Variants in PLXDC2 observed in about 807,000 individuals in gnomAD.
PLXDC2 encodes plexin domain-containing protein 2.
In PLXDC2, 40 loss-of-function variants were observed where a neutral mutation model predicts 68.9. The observed-to-expected ratio is 0.58, with a 90% CI of 0.45 to 0.76. The LOEUF is 0.76. Ranked by LOEUF, PLXDC2 falls within the 30% of genes least tolerant of loss-of-function variation. The pLI, the probability that PLXDC2 is intolerant of heterozygous loss-of-function variation, is 0.00. For missense variants in PLXDC2, 644 were observed against 661.9 expected (o/e 0.97, Z 0.30); for synonymous variants, 243 against 234.2 (o/e 1.04, Z -0.34).
intron 12 of PLXDC2, among the ~76,000 whole-genome samples, chr10:20,236,999 TG>T (rs754168968): frequency 0.045 from 6,628 of 147,542 alleles, 174 homozygotes; most frequent in Non-Finnish European, 0.069. Flanking sequence ...TATGAGTTGT[TG>T]TTTTTTTTTT....
intron 13 of PLXDC2, among the ~76,000 whole-genome samples, chr10:20,272,998 G>A (rs1344574584): frequency 6.6e-6 from 1 of 152,186 alleles, no homozygotes; most frequent in Non-Finnish European, 1.5e-5. Context: ...CATTGCATTT[G>A]TTTTGGGCAC....
At chr10:20,027,091 A>G (rs966546159) in intron 2 of PLXDC2, among the ~76,000 whole-genome samples, 2 of 126,718 alleles carry the variant, frequency 1.6e-5, no homozygotes, top group Non-Finnish European at 3.2e-5. Context: ...AATATATAGA[A>G]TACACTTTTA....
intron 1 of PLXDC2, among the ~76,000 whole-genome samples, chr10:19,934,411 T>C (rs896416471): frequency 2.6e-5 from 4 of 152,180 alleles, no homozygotes; most frequent in Non-Finnish European, 5.9e-5. Context: ...ATGACCACAT[T>C]CATACCTTTG....
intron 4 of PLXDC2, among the ~76,000 whole-genome samples, chr10:20,069,142 C>T (rs1317184718): frequency 6.6e-6 from 1 of 152,010 alleles, no homozygotes; most frequent in Non-Finnish European, 1.5e-5. Context: ...GGTGTGGAGA[C>T]CATGTTAAGT....
At chr10:20,212,261 T>C (rs1022407315) in intron 10 of PLXDC2, among the ~76,000 whole-genome samples, 1 of 152,022 alleles carries the variant, frequency 6.6e-6, no homozygotes, top group African/African-American at 2.4e-5. Flanking sequence ...ACCAGTGGTA[T>C]TGTGGAGGGT....
At chr10:19,837,385 TGAGAGAGAGA>T (rs149222127) in intron 1 of PLXDC2, among the ~76,000 whole-genome samples, 15 of 139,248 alleles carry the variant, frequency 1.1e-4, no homozygotes, top group South Asian at 4.8e-4. Flanking sequence ...ATTGAGTAAG[TGAGAGAGAGA>T]GAGAGAGAGA....
At chr10:20,077,666 A>G (rs1233493323) in intron 4 of PLXDC2, among the ~76,000 whole-genome samples, 1 of 152,248 alleles carries the variant, frequency 6.6e-6, no homozygotes, top group African/African-American at 2.4e-5. Context: ...AATTTTAAAA[A>G]TAAGCACAAT....
rs571708556 is a variant in PLXDC2, at chr10:20,267,807, A to G, written c.1474-11896A>G. On this transcript the variant is annotated intron_variant, in intron 13 of 13. Coordinates refer to ENST00000377252, the MANE Select transcript of PLXDC2 (RefSeq NM_032812.9). The stretch of plus-strand genomic sequence containing the variant: ...AAAAGAAGTTATTTTTATAGGTTCT[A>G]ATTGTTATATCTCAGTCATCTTGCT... Among the ~76,000 whole-genome samples, 3 of 152,222 alleles carry G rather than the reference A, an allele frequency of 2.0e-5. No homozygotes were observed. The South Asian group carries it at 6.2e-4, about 32-fold the overall frequency.
intron 10 of PLXDC2, among the ~76,000 whole-genome samples, chr10:20,214,713 G>A (rs1457508986): frequency 6.6e-6 from 1 of 152,092 alleles, no homozygotes; most frequent in African/African-American, 2.4e-5. Flanking sequence ...TGTTATAGGA[G>A]GGCTATTTAG....
chr10:19,887,034 TC>T (rs1267595696), intron 1 of PLXDC2, among the ~76,000 whole-genome samples: 1 of 152,124 alleles, frequency 6.6e-6, no homozygotes, highest in Non-Finnish European at 1.5e-5. Context: ...ACTTCATAGC[TC>T]CCCTGAAAGG....
chr10:20,097,826 C>T (rs1329041430), intron 4 of PLXDC2, among the ~76,000 whole-genome samples: 2 of 151,244 alleles, frequency 1.3e-5, no homozygotes, highest in Non-Finnish European at 1.5e-5. Context: ...CTTTGCTTTA[C>T]AATTATTTAA....
At chr10:20,175,718 G>A (rs1834517836) in intron 7 of PLXDC2, among the ~76,000 whole-genome samples, 1 of 151,848 alleles carries the variant, frequency 6.6e-6, no homozygotes, top group Non-Finnish European at 1.5e-5. Flanking sequence ...TGTAGTCCTA[G>A]CTACTTGGGA....
At chr10:20,143,714 T>G (rs1395762602) in intron 5 of PLXDC2, among the ~76,000 whole-genome samples, 1 of 152,048 alleles carries the variant, frequency 6.6e-6, no homozygotes, top group Non-Finnish European at 1.5e-5. Flanking sequence ...GTTTTCCAAT[T>G]TTCCCATCAG....
chr10:19,880,852 T>C (rs1479770978), intron 1 of PLXDC2, among the ~76,000 whole-genome samples: 1 of 152,242 alleles, frequency 6.6e-6, no homozygotes, highest in Non-Finnish European at 1.5e-5. Context: ...TCAGCAAAGA[T>C]GATTCATAAA....
chr10:20,163,234 T>C (rs1332846988), intron 6 of PLXDC2, among the ~76,000 whole-genome samples: 1 of 152,162 alleles, frequency 6.6e-6, no homozygotes, highest in Non-Finnish European at 1.5e-5. Flanking sequence ...AGACCTGAAA[T>C]AATACATTAA....
intron 1 of PLXDC2, among the ~76,000 whole-genome samples, chr10:19,974,806 T>A (rs1834420629): frequency 6.6e-6 from 1 of 152,218 alleles, no homozygotes. Context: ...AAACTTGGAC[T>A]GTAATTTTGT....
intron 9 of PLXDC2, among the ~76,000 whole-genome samples, chr10:20,208,569 C>T (rs1446545892): frequency 1.3e-5 from 2 of 152,074 alleles, no homozygotes; most frequent in Non-Finnish European, 2.9e-5. Context: ...CAATGTATAT[C>T]TTTAATTTCA....
intron 4 of PLXDC2, among the ~76,000 whole-genome samples, chr10:20,114,816 T>G (rs955596667): frequency 6.6e-6 from 1 of 152,146 alleles, no homozygotes; most frequent in African/African-American, 2.4e-5. Flanking sequence ...GAGGTAAAGT[T>G]GAAGAGCCAG....
At chr10:19,867,826 A>G (rs1242648953) in intron 1 of PLXDC2, among the ~76,000 whole-genome samples, 2 of 152,218 alleles carry the variant, frequency 1.3e-5, no homozygotes, top group African/African-American at 2.4e-5. Context: ...AACTGCAGAA[A>G]AAAATATAGT....
Sources: allele counts gnomAD v4.1 joint callset (sites outside exome capture counted in the v4.1 genomes callset), GRCh38; gene constraint gnomAD v4.1.1; transcripts MANE v1.5; gene names NCBI Gene and HGNC (gene_info 2026-07-23, HGNC 2026-07-21).